Variants in GHRHR observed in about 807,000 individuals in gnomAD.
The protein encoded by GHRHR is growth hormone releasing hormone receptor, also known as growth hormone-releasing hormone receptor.
A neutral mutation model predicts 58.3 loss-of-function variants in GHRHR; 40 were observed. The observed-to-expected ratio is 0.69, with a 90% CI of 0.53 to 0.89. The LOEUF (loss-of-function observed/expected upper bound fraction) is 0.89, where lower values mean the gene tolerates loss of function less well. Ranked by LOEUF, GHRHR falls within the 40% of genes least tolerant of loss-of-function variation. The pLI, the probability that GHRHR is intolerant of heterozygous loss-of-function variation, is 0.00. For missense variants in GHRHR, 551 were observed against 541.3 expected (o/e 1.02, Z -0.18); for synonymous variants, 249 against 216.6 (o/e 1.15, Z -1.31).
intron 11 of GHRHR, 82 bp from the exon 12 acceptor site, chr7:30,977,199 G>C (rs574306349): frequency 3.0e-6 from 4 of 1,317,820 alleles, no homozygotes; most frequent in Non-Finnish European, 4.4e-6. Flanking sequence ...GGATGAGTAG[G>C]GAAAAGGTAG....
At chr7:30,965,941 T>G (rs1396140659) in intron 1 of GHRHR, among the ~76,000 whole-genome samples, 2 of 152,038 alleles carry the variant, frequency 1.3e-5, no homozygotes, top group Non-Finnish European at 2.9e-5. Flanking sequence ...GGTTACTGAG[T>G]CCTCGGGAGG....
chr7:30,964,460 G>T (rs1288963058), intron 1 of GHRHR, among the ~76,000 whole-genome samples: 5 of 152,182 alleles, frequency 3.3e-5, no homozygotes, highest in African/African-American at 1.2e-4. Flanking sequence ...CAGTGCCTCA[G>T]AATTGGTGAG....
In GHRHR at chr7:30,971,220, T is replaced by A; in HGVS notation, c.464+4T>A. On this transcript the variant is annotated splice_donor_region_variant and intron_variant, in intron 5 of 12. Transcript: ENST00000326139. ...TCACCATCCTGGTTGCTCTCAGGTT[T>A]GTCATCCTCATCACCAGCTCAAGAA... is the stretch of plus-strand genomic sequence containing the variant. 7.5e-7 allele frequency: 1 copy of A among 1,329,228 alleles called. No individual in the cohort carries two copies. Among genetic ancestry groups the A allele is most frequent in the Non-Finnish European group, 1.1e-6 (1 of 942,052 alleles). 82.3% of individuals were successfully genotyped at this position (1,329,228 alleles called of 1,614,324 possible).
At chr7:30,969,488 C>T in intron 3 of GHRHR, 1 of 595,028 alleles carries the variant, frequency 1.7e-6, no homozygotes, top group Non-Finnish European at 3.0e-6. Context: ...CAAGACACCA[C>T]CAACTGCCCA....
rs746565662 is a variant in GHRHR at position 30,971,983 on chromosome 7, A to T, written c.485A>T (p.Asn162Ile). 1.7e-4 allele frequency: 278 copies of T among 1,613,818 alleles called. No homozygotes were observed. The highest frequency in any genetic ancestry group is 2.3e-4 in the Non-Finnish European group (271 of 1,179,918). The change falls in exon 6 of 13, where the codon AAC (asparagine) becomes ATC (isoleucine). Residue 162 changes from asparagine (N) to isoleucine (I), a missense_variant. Coordinates refer to ENST00000326139, the MANE Select transcript of GHRHR (RefSeq NM_000823.4). ...CCCAGGAGGCTCCACTGCCCCCGGA[A>T]CTACGTCCACACCCAGCTGTTCACC... ...VALRRLHCPR[N>I]YVHTQLFTTF...
At chr7:30,969,987 G>C (rs758349920) in intron 4 of GHRHR, 23 bp downstream of exon 4, 1 of 944,942 alleles carries the variant, frequency 1.1e-6, no homozygotes, top group Non-Finnish European at 1.8e-6. Flanking sequence ...TGGCATCTTG[G>C]AGGAAGGACT....
Position 30,972,028 on chromosome 7 carries a change from G to C in GHRHR, c.530G>C (p.Gly177Ala). The C allele has an allele frequency of 1.2e-6, 2 of 1,614,034 alleles. No homozygotes were observed. The highest frequency in any genetic ancestry group is 2.2e-5 in the South Asian group (2 of 91,072). Residue 177 changes from glycine (G) to alanine (A), a missense_variant, in exon 6 of 13, where the codon GGA (glycine) becomes GCA (alanine). Gly to Ala is a moderately conservative substitution (Grantham distance 60). Transcript: ENST00000326139. ...QLFTTFILKAGAVFLKDAALF... is the reference protein window; with the variant it reads ...QLFTTFILKAAAVFLKDAALF... ...TTCACCACTTTTATCCTCAAGGCGG[G>C]AGCTGTGTTCCTGAAGGATGCTGCC...
intron 6 of GHRHR, 43 bp downstream of exon 6, chr7:30,972,138 G>A (rs1158056669): frequency 6.2e-7 from 1 of 1,609,052 alleles, no homozygotes; most frequent in Non-Finnish European, 8.5e-7. Flanking sequence ...GGGGGAGAGA[G>A]GAGGTAGGAT....
chr7:30,969,838 G>C (rs1376789568), intron 3 of GHRHR, 29 bp from the exon 4 acceptor site: 1 of 1,612,180 alleles, frequency 6.2e-7, no homozygotes, highest in African/African-American at 1.3e-5. Flanking sequence ...GGAAGGAGTT[G>C]TGGCTAGAGA....
At chr7:30,971,569 T>G (rs1025866420) in intron 5 of GHRHR, among the ~76,000 whole-genome samples, 2 of 152,146 alleles carry the variant, frequency 1.3e-5, no homozygotes, top group Non-Finnish European at 2.9e-5. Flanking sequence ...CACTGTCCCC[T>G]TTAAGACCCC....
chr7:30,975,896 T>A (rs753040204), intron 10 of GHRHR, 28 bp downstream of exon 10: 3 of 1,270,162 alleles, frequency 2.4e-6, no homozygotes, highest in South Asian at 2.4e-5. Context: ...CTGGGGATAC[T>A]GGGAAAGGGT....
intron 1 of GHRHR, among the ~76,000 whole-genome samples, chr7:30,965,699 C>A (rs1167929353): frequency 6.6e-5 from 10 of 152,308 alleles, no homozygotes; most frequent in African/African-American, 2.4e-4. Flanking sequence ...CCCAAATTGG[C>A]CCTGAAAAGT....
intron 11 of GHRHR, 38 bp from the exon 12 acceptor site, chr7:30,977,243 A>G: frequency 2.5e-6 from 4 of 1,605,976 alleles, no homozygotes; most frequent in Non-Finnish European, 3.4e-6. Flanking sequence ...GGCCAGGCCA[A>G]AGGGTTCTGA....
chr7:30,976,871 C>T (rs1792596302), intron 11 of GHRHR, among the ~76,000 whole-genome samples: 1 of 136,198 alleles, frequency 7.3e-6, no homozygotes, highest in Non-Finnish European at 1.6e-5. Context: ...CACCTACCCA[C>T]CCACCCATCC....
Position 30,979,183 on chromosome 7 carries a change from C to G in GHRHR, c.1211C>G (p.Thr404Ser), listed in dbSNP as rs1792643374. ...HDPELLPAWR[T>S]RAKWTTPSRS... ...CCTGAGCTTCTGCCAGCCTGGAGGA[C>G]CCGTGCTAAGTGGACCACGCCTTCC... The change falls in exon 13 of 13, where the codon ACC becomes AGC. Residue 404 changes from threonine to serine, a missense_variant. Thr to Ser is a moderately conservative substitution (Grantham distance 58, BLOSUM62 1). Coordinates refer to ENST00000326139, the MANE Select transcript of GHRHR (RefSeq NM_000823.4). 1.2e-6 allele frequency: 2 copies of G among 1,613,598 alleles called. No homozygotes were observed. The highest frequency in any genetic ancestry group is 1.3e-5 in the African/African-American group (1 of 75,050).
chr7:30,976,481 A>G lies in GHRHR; in HGVS notation c.1027A>G (p.Ile343Val), dbSNP rs372024874. 80 of 1,612,866 alleles carry G rather than the reference A, an allele frequency of 5.0e-5. No homozygotes were observed. Among genetic ancestry groups the G allele is most frequent in the Non-Finnish European group, 6.4e-5 (76 of 1,179,046 alleles). Residue 343 changes from isoleucine to valine, a missense_variant, in exon 11 of 13, where the codon ATC becomes GTC. Physicochemically the swap from Ile to Val is conservative, Grantham distance 29 (BLOSUM62 3). Transcript: ENST00000326139. ...FLIPLFGIHY[I>V]IFNFLPDNAG... ...GATCCCACTCTTTGGAATTCACTAC[A>G]TCATCTTCAACTTCCTGCCAGACAA...
intron 6 of GHRHR, among the ~76,000 whole-genome samples, 159 bp from the exon 7 acceptor site, chr7:30,973,826 T>C (rs750663334): frequency 7.2e-5 from 11 of 152,200 alleles, no homozygotes; most frequent in Non-Finnish European, 1.2e-4. Flanking sequence ...TAACCCTCAC[T>C]GTATATCACC....
intron 6 of GHRHR, 81 bp from the exon 7 acceptor site, chr7:30,973,904 G>A: frequency 7.1e-7 from 1 of 1,414,992 alleles, no homozygotes; most frequent in Non-Finnish European, 1.0e-6. Flanking sequence ...TGGAGGTTCT[G>A]TATCTGAGTA....
chr7:30,975,528 C>CA (rs981547949), intron 9 of GHRHR, among the ~76,000 whole-genome samples: 5 of 152,158 alleles, frequency 3.3e-5, no homozygotes, highest in African/African-American at 1.2e-4. Context: ...AGGCAGGTGG[C>CA]AAGGCCTGAT....
Sources: allele counts gnomAD v4.1 joint callset (sites outside exome capture counted in the v4.1 genomes callset), GRCh38; gene constraint gnomAD v4.1.1; transcripts MANE v1.5; gene names NCBI Gene and HGNC (gene_info 2026-07-23, HGNC 2026-07-21).